The following CD38 variants were observed in gnomAD, a reference collection of about 807,000 sequenced individuals.
The protein encoded by CD38 is CD38 molecule, also known as ADP-ribosyl cyclase/cyclic ADP-ribose hydrolase 1.
In CD38, 31 loss-of-function variants were observed where a neutral mutation model predicts 36.3. The ratio of observed to expected loss-of-function variants is 0.85; its 90% CI spans 0.64 to 1.15. The LOEUF (loss-of-function observed/expected upper bound fraction) is 1.15. Ranked by LOEUF, CD38 falls within the 50% of genes most tolerant of loss-of-function variation. The pLI, the probability that CD38 is intolerant of heterozygous loss-of-function variation, is 0.00. For synonymous variants in CD38, 131 were observed against 135.2 expected (o/e 0.97, Z 0.22); for missense variants, 380 against 371.9 (o/e 1.02, Z -0.18).
chr4:15,839,479 A>T (rs1724153709), intron 5 of CD38, among the ~76,000 whole-genome samples: 1 of 129,390 alleles, frequency 7.7e-6, no homozygotes, highest in Non-Finnish European at 1.5e-5. Context: ...GCTGGAGTGC[A>T]GTGACACGGT....
At chr4:15,793,748 G>A (rs1332780425) in intron 1 of CD38, among the ~76,000 whole-genome samples, 1 of 152,224 alleles carries the variant, frequency 6.6e-6, no homozygotes, top group East Asian at 1.9e-4. Context: ...TGGCTTGGAT[G>A]GTGATGGATG....
At chr4:15,783,299 G>C (rs1457062503) in intron 1 of CD38, among the ~76,000 whole-genome samples, 3 of 152,190 alleles carry the variant, frequency 2.0e-5, no homozygotes, top group Admixed American at 6.5e-5. Flanking sequence ...CCAGCACCTA[G>C]GGGAAGCTGG....
intron 1 of CD38, among the ~76,000 whole-genome samples, chr4:15,785,441 G>A (rs983740617): frequency 6.6e-6 from 1 of 152,142 alleles, no homozygotes; most frequent in Non-Finnish European, 1.5e-5. Flanking sequence ...AGCAAGGTCA[G>A]TGGAACCCAC....
At chr4:15,796,182 A>C (rs1234803400) in intron 1 of CD38, among the ~76,000 whole-genome samples, 1 of 152,032 alleles carries the variant, frequency 6.6e-6, no homozygotes, top group Non-Finnish European at 1.5e-5. Context: ...TAAAACCACA[A>C]AAAAAATGTA....
At chr4:15,790,758 T>G (rs1245779608) in intron 1 of CD38, among the ~76,000 whole-genome samples, 29 of 146,956 alleles carry the variant, frequency 2.0e-4, no homozygotes, top group Non-Finnish European at 7.5e-5. Flanking sequence ...CGCCATCCCA[T>G]CTAGGAAGTG....
intron 3 of CD38, among the ~76,000 whole-genome samples, chr4:15,828,254 G>A (rs183931331): frequency 1.3e-5 from 2 of 152,164 alleles, no homozygotes; most frequent in African/African-American, 2.4e-5. Context: ...GGGCTCAAGC[G>A]ATCTACCCTC....
chr4:15,848,387 C>T (rs1009414178), intron 7 of CD38, 152 bp from the exon 8 acceptor site: 22 of 522,280 alleles, frequency 4.2e-5, no homozygotes, highest in Non-Finnish European at 7.4e-5. Flanking sequence ...TAGCTCCCCT[C>T]CCGACATGTC....
chr4:15,835,657 C>A (rs143919965), intron 4 of CD38, among the ~76,000 whole-genome samples: 1 of 151,158 alleles, frequency 6.6e-6, no homozygotes, highest in Non-Finnish European at 1.5e-5. Flanking sequence ...AGACTACAGC[C>A]ATGGGCCACC....
chr4:15,834,419 T>C (rs1387336687), intron 4 of CD38, 117 bp downstream of exon 4: 10 of 675,254 alleles, frequency 1.5e-5, no homozygotes, highest in Non-Finnish European at 2.6e-5. Flanking sequence ...AATGAAAATA[T>C]AGGATTCATT....
At chr4:15,839,411 A>ATTT (rs1724150668) in intron 5 of CD38, among the ~76,000 whole-genome samples, 1 of 108,202 alleles carries the variant, frequency 9.2e-6, no homozygotes, top group African/African-American at 3.7e-5. Flanking sequence ...GAAATTCTAC[A>ATTT]TTTCTTTTTT....
intron 2 of CD38, among the ~76,000 whole-genome samples, chr4:15,822,577 G>T (rs1457295160): frequency 6.6e-6 from 1 of 151,998 alleles, no homozygotes; most frequent in Non-Finnish European, 1.5e-5. Flanking sequence ...AATCATGAAT[G>T]AACTCCCATT....
At chr4:15,801,600 C>A (rs1723223489) in intron 1 of CD38, among the ~76,000 whole-genome samples, 1 of 152,076 alleles carries the variant, frequency 6.6e-6, no homozygotes, top group African/African-American at 2.4e-5. Flanking sequence ...TTACTAAAAC[C>A]AGGTGGGATT....
At chr4:15,796,395 C>T (rs879442059) in intron 1 of CD38, among the ~76,000 whole-genome samples, 2 of 151,994 alleles carry the variant, frequency 1.3e-5, no homozygotes, top group Non-Finnish European at 2.9e-5. Flanking sequence ...CCTTCAATAT[C>T]CTCATATCCT....
intron 4 of CD38, among the ~76,000 whole-genome samples, chr4:15,834,902 T>TA (rs765451203): frequency 3.3e-5 from 5 of 152,046 alleles, no homozygotes; most frequent in Admixed American, 6.6e-5. Flanking sequence ...CTATTTTTTT[T>TA]AAAAAAATTG....
chr4:15,794,900 AC>A (rs1012718310), intron 1 of CD38, among the ~76,000 whole-genome samples: 5 of 152,256 alleles, frequency 3.3e-5, no homozygotes, highest in African/African-American at 1.2e-4. Context: ...GTAGATAGAA[AC>A]AAAAATTCTC....
At chr4:15,830,881 T>C (rs80141697) in intron 3 of CD38, among the ~76,000 whole-genome samples, 343 of 152,318 alleles carry the variant, frequency 2.3e-3, no homozygotes, top group African/African-American at 7.7e-3. Context: ...GTAAATGTTA[T>C]ATTTTTAAGT....
intron 1 of CD38, among the ~76,000 whole-genome samples, chr4:15,799,080 A>G (rs1433912157): frequency 6.6e-6 from 1 of 152,222 alleles, no homozygotes; most frequent in East Asian, 1.9e-4. Flanking sequence ...TTATTTAAGA[A>G]CTGATTTCTT....
chr4:15,786,952 C>G (rs1722848342), intron 1 of CD38, among the ~76,000 whole-genome samples: 2 of 152,258 alleles, frequency 1.3e-5, no homozygotes, highest in South Asian at 4.1e-4. Flanking sequence ...GGGGACTTGG[C>G]ACACCCTCCA....
intron 1 of CD38, among the ~76,000 whole-genome samples, chr4:15,790,659 T>C (rs1042736185): frequency 2.7e-5 from 4 of 149,350 alleles, no homozygotes; most frequent in Non-Finnish European, 4.4e-5. Context: ...ATGAGGAGCC[T>C]CTCTGCCTGG....
Sources: gnomAD v4.1 joint callset for allele counts (sites outside exome capture counted in the v4.1 genomes callset) on GRCh38, gnomAD v4.1.1 for gene constraint, MANE v1.5 for transcripts, NCBI Gene and HGNC (gene_info 2026-07-23, HGNC 2026-07-21) for gene names.